The following SLC6A11 variants were observed in gnomAD, a reference collection of about 807,000 sequenced individuals.
The protein encoded by SLC6A11 is sodium- and chloride-dependent GABA transporter 3.
Under a neutral mutation model 74.8 loss-of-function variants are expected in SLC6A11, and 25 were observed. The ratio of observed to expected loss-of-function variants is 0.33; its 90% CI spans 0.24 to 0.47. SLC6A11 has a LOEUF of 0.47. Ranked by LOEUF, SLC6A11 falls within the 20% of genes least tolerant of loss-of-function variation. The pLI is 1.00. For missense variants in SLC6A11, 574 were observed against 837.0 expected (o/e 0.69, Z 3.88); for synonymous variants, 330 against 330.2 (o/e 1.00, Z 0.01).
intron 4 of SLC6A11, among the ~76,000 whole-genome samples, chr3:10,842,219 C>T (rs1351848891): frequency 2.0e-5 from 3 of 152,230 alleles, no homozygotes; most frequent in Non-Finnish European, 4.4e-5. Context: ...CTCCTCCCTC[C>T]CTCCAAAACA....
In SLC6A11 at chr3:10,816,499, C is replaced by T; in HGVS notation, c.234C>T (p.Tyr78=). 1 of 1,603,394 alleles carries T rather than the reference C, an allele frequency of 6.2e-7. No individual in the cohort carries two copies. Among genetic ancestry groups the T allele is most frequent in the Non-Finnish European group, 8.5e-7 (1 of 1,175,278 alleles). ...IGLGNVWRFP[Y]LCYKNGGGAF... is the part of the protein sequence containing the mutation. ...TGGGCAACGTGTGGCGCTTCCCCTACCTGTGCTACAAGAACGGAGGAGGTG... is the reference window on the plus strand; with the variant it reads ...TGGGCAACGTGTGGCGCTTCCCCTATCTGTGCTACAAGAACGGAGGAGGTG... Residue 78 remains tyrosine (Y), a synonymous_variant, in exon 1 of 14, where the codon TAC becomes TAT. Coordinates refer to ENST00000254488, the MANE Select transcript of SLC6A11 (RefSeq NM_014229.3). This position sits in a 1 kb window ranked among gnomAD's most constrained non-coding sequence, Gnocchi z 4.2.
At chr3:10,829,606 C>G (rs749906061) in intron 4 of SLC6A11, among the ~76,000 whole-genome samples, 1 of 152,184 alleles carries the variant, frequency 6.6e-6, no homozygotes, top group East Asian at 1.9e-4. Flanking sequence ...TAAGCAGCTG[C>G]CCCTTCCTCC....
At position 10,823,411 on chromosome 3, in the gene SLC6A11, G is replaced by T; in HGVS notation, c.623+19G>T. 1 of 1,534,172 alleles carries T rather than the reference G, an allele frequency of 6.5e-7. No individual in the cohort carries two copies. Among genetic ancestry groups the T allele is most frequent in the Non-Finnish European group, 9.0e-7 (1 of 1,107,714 alleles). On this transcript the variant is annotated intron_variant, in intron 4 of 13. Transcript: ENST00000254488. ...TTTGGGAGTAAGTGGAGAAGAACTTGTCTCCCTTGGCCTGTGGGGGCTCTG... is the reference window on the plus strand; with the variant it reads ...TTTGGGAGTAAGTGGAGAAGAACTTTTCTCCCTTGGCCTGTGGGGGCTCTG...
At chr3:10,912,333 C>T (rs944131965) in intron 7 of SLC6A11, 140 bp downstream of exon 7, 13 of 647,844 alleles carry the variant, frequency 2.0e-5, no homozygotes, top group South Asian at 5.4e-5. Context: ...CTCCCACTAC[C>T]GAAGGGTCAA....
chr3:10,933,259 T>C lies in SLC6A11; in HGVS notation c.1474+6T>C. Reference sequence around the variant, plus strand: ...CTGCATCGGCTGGGTGTATGGTGAGTAGCAGCCAAGCCCGTCCACACCCCA... The same window carrying C: ...CTGCATCGGCTGGGTGTATGGTGAGCAGCAGCCAAGCCCGTCCACACCCCA... On this transcript the variant is annotated splice_donor_region_variant and intron_variant, in intron 11 of 13. Coordinates refer to ENST00000254488, the MANE Select transcript of SLC6A11 (RefSeq NM_014229.3). 6.2e-7 allele frequency: 1 copy of C among 1,606,076 alleles called. No individual in the cohort carries two copies. Among genetic ancestry groups the C allele is most frequent in the Non-Finnish European group, 8.5e-7 (1 of 1,172,716 alleles).
In SLC6A11 at chr3:10,873,376, T is replaced by G. The variant is rs1694850062; in HGVS notation, c.757-1585T>G. 1.6e-5 allele frequency among the ~76,000 whole-genome samples: 2 copies of G among 122,060 alleles called. 1 individual carries two copies. The highest frequency in any genetic ancestry group is 2.1e-4 in the Admixed American group (2 of 9,642). The allele number at this position is 122,060 out of a possible 152,430, so 80.1% of individuals were successfully genotyped here. The stretch of plus-strand genomic sequence containing the variant: ...TTCCTTTCCCTCCCCTATGCTCACC[T>G]TCATTATTGTATCCTATCCTATGCT... On this transcript the variant is annotated intron_variant, in intron 5 of 13. Coordinates refer to ENST00000254488, the MANE Select transcript of SLC6A11 (RefSeq NM_014229.3).
chr3:10,896,149 G>T (rs937922142), intron 6 of SLC6A11, among the ~76,000 whole-genome samples: 1 of 152,240 alleles, frequency 6.6e-6, no homozygotes, highest in African/African-American at 2.4e-5. Flanking sequence ...GAATGAGTGG[G>T]CCTGGCCTCC....
At chr3:10,837,403 T>G (rs73113883) in intron 4 of SLC6A11, among the ~76,000 whole-genome samples, 3,504 of 152,172 alleles carry the variant, frequency 0.023, 118 homozygotes, top group African/African-American at 0.08. Flanking sequence ...CCACTGACAC[T>G]CATAATCACA....
At chr3:10,835,735 C>T (rs1694358128) in intron 4 of SLC6A11, among the ~76,000 whole-genome samples, 1 of 152,274 alleles carries the variant, frequency 6.6e-6, no homozygotes, top group South Asian at 2.1e-4. Flanking sequence ...TTCCTCTGAA[C>T]AATGGTGTAC....
intron 4 of SLC6A11, among the ~76,000 whole-genome samples, chr3:10,830,278 A>G (rs1694277601): frequency 6.6e-6 from 1 of 152,164 alleles, no homozygotes; most frequent in Admixed American, 6.5e-5. Flanking sequence ...AAAAAAAGCA[A>G]GAGCACAGAG....
chr3:10,888,953 A>C (rs1695076437), intron 6 of SLC6A11, among the ~76,000 whole-genome samples: 1 of 152,106 alleles, frequency 6.6e-6, no homozygotes, highest in African/African-American at 2.4e-5. Context: ...GCACTGTGGG[A>C]GTGGGGTGGA....
intron 10 of SLC6A11, among the ~76,000 whole-genome samples, chr3:10,932,227 T>C (rs1362642965): frequency 6.6e-6 from 1 of 152,102 alleles, no homozygotes; most frequent in Non-Finnish European, 1.5e-5. Context: ...TTCTAGGACA[T>C]CACTAAACTC....
At chr3:10,922,654 C>T (rs1695551937) in intron 8 of SLC6A11, among the ~76,000 whole-genome samples, 3 of 152,110 alleles carry the variant, frequency 2.0e-5, no homozygotes, top group Admixed American at 2.0e-4. Context: ...CTGAATATAT[C>T]ATTTTTTTTA....
chr3:10,934,460 G>A (rs576861639), intron 12 of SLC6A11, among the ~76,000 whole-genome samples: 23 of 152,332 alleles, frequency 1.5e-4, no homozygotes, highest in Middle Eastern at 3.4e-3. Flanking sequence ...TCAGAGGGCC[G>A]AGGACTATGT....
chr3:10,819,127 G>A (rs1281788245), intron 1 of SLC6A11, among the ~76,000 whole-genome samples: 1 of 152,184 alleles, frequency 6.6e-6, no homozygotes, highest in Non-Finnish European at 1.5e-5. Context: ...TTTGACCCAC[G>A]CTGGAGGATG....
intron 7 of SLC6A11, among the ~76,000 whole-genome samples, chr3:10,914,862 C>T (rs766800466): frequency 2.6e-5 from 4 of 152,160 alleles, no homozygotes; most frequent in African/African-American, 7.2e-5. Flanking sequence ...CGGTGGCTTA[C>T]GGTCAGCATG....
intron 8 of SLC6A11, among the ~76,000 whole-genome samples, chr3:10,924,854 T>C (rs1695581830): frequency 6.6e-6 from 1 of 152,244 alleles, no homozygotes; most frequent in East Asian, 1.9e-4. Flanking sequence ...GACAAGGATG[T>C]GGAGCCACTG....
chr3:10,895,575 A>G (rs888749487), intron 6 of SLC6A11, among the ~76,000 whole-genome samples: 51 of 152,146 alleles, frequency 3.4e-4, no homozygotes, highest in African/African-American at 1.1e-3. Flanking sequence ...AGGGAGGAAA[A>G]CAACACACAC....
At chr3:10,902,453 G>T (rs891878034) in intron 6 of SLC6A11, among the ~76,000 whole-genome samples, 1 of 152,228 alleles carries the variant, frequency 6.6e-6, no homozygotes, top group Non-Finnish European at 1.5e-5. Context: ...TGGAAATGAC[G>T]TGGGTGCTTG....
Sources: gnomAD v4.1 joint callset for allele counts (sites outside exome capture counted in the v4.1 genomes callset) on GRCh38, gnomAD v4.1.1 for gene constraint, Gnocchi (gnomAD v3.1) non-coding constraint, MANE v1.5 for transcripts, NCBI Gene and HGNC (gene_info 2026-07-23, HGNC 2026-07-21) for gene names.